Variants in GPR137C observed in about 807,000 individuals in gnomAD.
GPR137C encodes the protein integral membrane protein GPR137C.
GPR137C carries 27 observed loss-of-function variants against 43.4 expected under a neutral mutation model. The ratio of observed to expected loss-of-function variants is 0.62; its 90% CI spans 0.46 to 0.86. The LOEUF is 0.86. Ranked by LOEUF, GPR137C falls within the 40% of genes least tolerant of loss-of-function variation. The pLI, the probability that GPR137C is intolerant of heterozygous loss-of-function variation, is 0.00. For synonymous variants in GPR137C, 285 were observed against 226.9 expected, an observed-to-expected ratio of 1.26 and a Z score of -2.30; for missense variants, 522 against 534.6, an observed-to-expected ratio of 0.98 and a Z score of 0.23.
intron 3 of GPR137C, among the ~76,000 whole-genome samples, chr14:52,618,706 T>C (rs2039126913): frequency 6.6e-6 from 1 of 152,188 alleles, no homozygotes; most frequent in Non-Finnish European, 1.5e-5. Flanking sequence ...TTATTTTTAT[T>C]CTAACATTAT....
At chr14:52,614,433 C>G (rs910900516) in intron 3 of GPR137C, among the ~76,000 whole-genome samples, 1 of 152,014 alleles carries the variant, frequency 6.6e-6, no homozygotes, top group Non-Finnish European at 1.5e-5. Context: ...TATTCTTGTT[C>G]GCCATTCATA....
At chr14:52,601,669 C>T (rs910620811) in intron 3 of GPR137C, among the ~76,000 whole-genome samples, 1 of 151,984 alleles carries the variant, frequency 6.6e-6, no homozygotes, top group African/African-American at 2.4e-5. Flanking sequence ...AAAAATAATA[C>T]TGTCACTGTT....
At chr14:52,614,129 T>C (rs1298111591) in intron 3 of GPR137C, among the ~76,000 whole-genome samples, 7 of 151,946 alleles carry the variant, frequency 4.6e-5, no homozygotes, top group African/African-American at 7.3e-5. Flanking sequence ...TTTTCTTTTT[T>C]TTTTTTTTGA....
intron 1 of GPR137C, among the ~76,000 whole-genome samples, chr14:52,564,317 G>T: frequency 6.8e-6 from 1 of 147,820 alleles, no homozygotes; most frequent in African/African-American, 2.5e-5. Context: ...TTTCTCCATT[G>T]GATCTAGTTA....
chr14:52,581,776 T>C (rs1296176899), intron 1 of GPR137C, among the ~76,000 whole-genome samples: 1 of 152,198 alleles, frequency 6.6e-6, no homozygotes, highest in Non-Finnish European at 1.5e-5. Context: ...AGAGATTATG[T>C]TTACCACAAT....
rs181467070 is a variant in GPR137C at position 52,558,483 on chromosome 14, G to A, written c.444+4892G>A. Among the ~76,000 whole-genome samples the A allele has an allele frequency of 3.7e-3, 560 of 152,242 alleles. 5 individuals are homozygous for A. The highest frequency in any genetic ancestry group is 0.013 in the African/African-American group (529 of 41,528). On this transcript the variant is annotated intron_variant, in intron 1 of 6. Transcript: ENST00000321662. ...GTTCTGTGATTGAGAGGAGCAGACT[G>A]GGGGGTTTCAGGAGATCTAACTTGA...
intron 3 of GPR137C, among the ~76,000 whole-genome samples, chr14:52,625,628 C>T (rs976157399): frequency 4.9e-5 from 6 of 123,264 alleles, no homozygotes; most frequent in African/African-American, 1.2e-4. Flanking sequence ...GATCTCGGCT[C>T]ACTGCAATCT....
intron 3 of GPR137C, among the ~76,000 whole-genome samples, chr14:52,625,328 A>C (rs925474673): frequency 6.6e-6 from 1 of 151,680 alleles, no homozygotes; most frequent in African/African-American, 2.4e-5. Context: ...CTAAAAATGC[A>C]AAAATGAGCC....
At chr14:52,554,779 TTAA>T (rs2038168016) in intron 1 of GPR137C, among the ~76,000 whole-genome samples, 1 of 152,166 alleles carries the variant, frequency 6.6e-6, no homozygotes, top group Non-Finnish European at 1.5e-5. Context: ...CTTTTCTCCT[TTAA>T]TAGGAAGTAG....
intron 3 of GPR137C, among the ~76,000 whole-genome samples, chr14:52,627,570 A>G (rs2039242470): frequency 6.6e-6 from 1 of 151,196 alleles, no homozygotes; most frequent in East Asian, 2.0e-4. Context: ...CTGTCTGGGC[A>G]GTGCGGTGGC....
At chr14:52,592,685 TC>T (rs2038799551) in intron 1 of GPR137C, among the ~76,000 whole-genome samples, 1 of 152,244 alleles carries the variant, frequency 6.6e-6, no homozygotes, top group Admixed American at 6.5e-5. Flanking sequence ...TGATTTTGTA[TC>T]CTGAGACTTT....
Position 52,585,112 on chromosome 14 carries a change from G to GA in GPR137C, c.445-13153dup, listed in dbSNP as rs893184497. ...AGTGACCTTGCCACCTACTTTCCTA[G>GA]AAAAAAATAGAATCCATCTGCCAAA... On this transcript the variant is annotated intron_variant, in intron 1 of 6. Coordinates refer to ENST00000321662, the MANE Select transcript of GPR137C (RefSeq NM_001099652.2). Among the ~76,000 whole-genome samples, 6 of 151,952 alleles carry GA rather than the reference G, an allele frequency of 3.9e-5. 1 individual carries two copies. In the South Asian group the frequency reaches 8.3e-4, roughly 21 times the overall value.
At chr14:52,579,018 G>A (rs1392487466) in intron 1 of GPR137C, among the ~76,000 whole-genome samples, 4 of 152,062 alleles carry the variant, frequency 2.6e-5, no homozygotes, top group African/African-American at 9.7e-5. Context: ...GCTGTAGGGT[G>A]ATCTGGCTGA....
intron 3 of GPR137C, among the ~76,000 whole-genome samples, chr14:52,624,329 A>G (rs955381441): frequency 2.2e-4 from 34 of 152,130 alleles, no homozygotes; most frequent in African/African-American, 8.0e-4. Context: ...CTTGAAGGGA[A>G]AAGCACAGAT....
At chr14:52,599,434 CTT>C (rs376009711) in intron 2 of GPR137C, among the ~76,000 whole-genome samples, 7,896 of 139,614 alleles carry the variant, frequency 0.057, 206 homozygotes, top group Middle Eastern at 0.078. Context: ...TTTTTTTTTC[CTT>C]TTTTTTTTTT....
intron 3 of GPR137C, among the ~76,000 whole-genome samples, chr14:52,626,427 T>C (rs2039228263): frequency 6.6e-6 from 1 of 151,758 alleles, no homozygotes; most frequent in Admixed American, 6.6e-5. Context: ...TGAAAAGGCA[T>C]TTGACTAAAT....
chr14:52,604,042 G>A (rs935081957), intron 3 of GPR137C, among the ~76,000 whole-genome samples: 2 of 151,900 alleles, frequency 1.3e-5, no homozygotes, highest in African/African-American at 4.8e-5. Context: ...TTTAACTGTT[G>A]GCCATTTGTA....
rs1168076292 is a variant in GPR137C at position 52,571,863 on chromosome 14, GAAGAA to G, written c.444+18279_444+18283del. Among the ~76,000 whole-genome samples the G allele has an allele frequency of 9.2e-5, 14 of 152,106 alleles. No homozygotes were observed. In the East Asian group the frequency reaches 2.7e-3, roughly 29 times the overall value. On this transcript the variant is annotated intron_variant, in intron 1 of 6. Coordinates refer to ENST00000321662, the MANE Select transcript of GPR137C (RefSeq NM_001099652.2). Reference sequence around the variant, plus strand: ...ATAGACCACTAGCCAGACTAATAAAGAAGAAAAGAAAGAGGAATCAAATAGACACA... The same window carrying G: ...ATAGACCACTAGCCAGACTAATAAAGAAGAAAGAGGAATCAAATAGACACA...
Position 52,575,010 on chromosome 14 carries a change from G to A in GPR137C, c.444+21419G>A, listed in dbSNP as rs75043473. ...ATGCAGTTTAAATCAGTTTTCTAGGGAGTCTAAATCTATATTGTATGAGAC... is the reference window on the plus strand; with the variant it reads ...ATGCAGTTTAAATCAGTTTTCTAGGAAGTCTAAATCTATATTGTATGAGAC... On this transcript the variant is annotated intron_variant, in intron 1 of 6. Transcript: ENST00000321662. Among the ~76,000 whole-genome samples, 632 of 152,260 alleles carry A rather than the reference G, an allele frequency of 4.2e-3. 4 individuals carry two copies. Among genetic ancestry groups the A allele is most frequent in the African/African-American group, 0.015 (605 of 41,546 alleles).
Sources: gnomAD v4.1 joint callset for allele counts (sites outside exome capture counted in the v4.1 genomes callset) on GRCh38, gnomAD v4.1.1 for gene constraint, MANE v1.5 for transcripts, NCBI Gene and HGNC (gene_info 2026-07-23, HGNC 2026-07-21) for gene names.